PPARGC1A: variants seen among roughly 807,000 people sequenced by gnomAD.
The protein encoded by PPARGC1A is PPARG coactivator 1 alpha.
PPARGC1A carries 25 observed loss-of-function variants against 88.7 expected under a neutral mutation model. The observed-to-expected ratio is 0.28, with a 90% confidence interval of 0.21 to 0.39. PPARGC1A has a LOEUF of 0.39. Among genes scored for constraint, PPARGC1A ranks in the 10% least tolerant of loss-of-function variants. PPARGC1A has a pLI of 1.00. For synonymous variants in PPARGC1A, 363 were observed against 355.6 expected (o/e 1.02, Z -0.24); for missense variants, 880 against 968.7 (o/e 0.91, Z 1.22).
chr4:23,906,607 C>CAAAAAA (rs35171233), upstream of PPARGC1A, among the ~76,000 whole-genome samples: 3 of 63,724 alleles, frequency 4.7e-5, no homozygotes, highest in African/African-American at 1.3e-4. Context: ...CTCTGTCTCA[C>CAAAAAA]AAAAAAAAAA....
rs538641721 is a variant in PPARGC1A, at chr4:23,859,477, C to T, written c.234+25275G>A. Reference sequence around the variant, plus strand: ...GGGAGACTGCAAAGAAGAACATTAACAAAAATTCAAAATATTTAAAATGTA... The same window carrying T: ...GGGAGACTGCAAAGAAGAACATTAATAAAAATTCAAAATATTTAAAATGTA... On this transcript the variant is annotated intron_variant, in intron 2 of 12. Coordinates refer to ENST00000264867, the MANE Select transcript of PPARGC1A (RefSeq NM_013261.5). 5.1e-4 allele frequency among the ~76,000 whole-genome samples: 78 copies of T among 152,172 alleles called. 1 individual carries two copies. Among genetic ancestry groups the T allele is most frequent in the African/African-American group, 1.7e-3 (69 of 41,530 alleles).
intron 2 of PPARGC1A, among the ~76,000 whole-genome samples, chr4:23,841,483 T>C (rs1727043782): frequency 6.8e-6 from 1 of 146,346 alleles, no homozygotes; most frequent in Non-Finnish European, 1.5e-5. Flanking sequence ...AAAGAAGTCA[T>C]TTTTTTTTTT....
At chr4:24,140,631 A>C in the PPARGC1A span, among the ~76,000 whole-genome samples, 20 of 152,320 alleles carry the variant, frequency 1.3e-4, no homozygotes, top group South Asian at 2.9e-3. Context: ...CAGTGGCCTA[A>C]AAATAGAATT....
intron 7 of PPARGC1A, among the ~76,000 whole-genome samples, chr4:23,823,828 A>G (rs542479287): frequency 1.3e-5 from 2 of 152,230 alleles, no homozygotes; most frequent in African/African-American, 4.8e-5. Flanking sequence ...GCAAACACAA[A>G]GTGTGAAATT....
the PPARGC1A span, among the ~76,000 whole-genome samples, chr4:24,043,414 G>T: frequency 6.6e-6 from 1 of 152,206 alleles, no homozygotes; most frequent in African/African-American, 2.4e-5. Flanking sequence ...TTATTAGTCT[G>T]GCACCGGCTT....
chr4:24,396,477 T>C, the PPARGC1A span, among the ~76,000 whole-genome samples: 1 of 152,244 alleles, frequency 6.6e-6, no homozygotes, highest in East Asian at 1.9e-4. Context: ...GTGACCTCCC[T>C]GGGCAGATCA....
the PPARGC1A span, among the ~76,000 whole-genome samples, chr4:24,314,583 T>G: frequency 6.6e-6 from 1 of 152,148 alleles, no homozygotes; most frequent in South Asian, 2.1e-4. Flanking sequence ...GCAGCACAAA[T>G]GGACTAAGAC....
the PPARGC1A span, among the ~76,000 whole-genome samples, chr4:24,094,563 G>A: frequency 1.3e-5 from 2 of 152,224 alleles, no homozygotes; most frequent in Non-Finnish European, 2.9e-5. Flanking sequence ...ACAATGCAGT[G>A]TGCCTTCATC....
At chr4:24,450,104 T>C in the PPARGC1A span, among the ~76,000 whole-genome samples, 1 of 152,230 alleles carries the variant, frequency 6.6e-6, no homozygotes, top group East Asian at 1.9e-4. Flanking sequence ...ACCAACATGG[T>C]CTGTGGGAAC....
chr4:23,837,730 C>A (rs1247702945), intron 2 of PPARGC1A, among the ~76,000 whole-genome samples: 2 of 152,184 alleles, frequency 1.3e-5, no homozygotes, highest in Admixed American at 1.3e-4. Flanking sequence ...TTATCCACTA[C>A]TTTGGATTAT....
At chr4:23,937,323 G>A in the PPARGC1A span, among the ~76,000 whole-genome samples, 2 of 152,130 alleles carry the variant, frequency 1.3e-5, no homozygotes, top group South Asian at 4.1e-4. Flanking sequence ...CCCATGCAAT[G>A]TGCAGATGCA....
intron 2 of PPARGC1A, among the ~76,000 whole-genome samples, chr4:23,869,848 G>A (rs1258306537): frequency 3.9e-5 from 6 of 152,140 alleles, no homozygotes; most frequent in Admixed American, 3.3e-4. Flanking sequence ...CTAAAGTAAT[G>A]TGGGAAATTG....
chr4:24,289,394 T>C, the PPARGC1A span, among the ~76,000 whole-genome samples: 1 of 152,072 alleles, frequency 6.6e-6, no homozygotes, highest in Non-Finnish European at 1.5e-5. Flanking sequence ...CCACCCAAGG[T>C]TGGCCCCTCT....
the PPARGC1A span, among the ~76,000 whole-genome samples, chr4:24,367,894 A>G: frequency 6.6e-6 from 1 of 152,188 alleles, no homozygotes; most frequent in Non-Finnish European, 1.5e-5. Flanking sequence ...AATCGCTGCA[A>G]TCATATGCCA....
the PPARGC1A span, among the ~76,000 whole-genome samples, chr4:24,257,800 T>C: frequency 6.6e-6 from 1 of 152,224 alleles, no homozygotes; most frequent in African/African-American, 2.4e-5. Flanking sequence ...ACCATTTCTT[T>C]GAGACATAAA....
chr4:24,206,163 G>A, the PPARGC1A span, among the ~76,000 whole-genome samples: 1 of 152,116 alleles, frequency 6.6e-6, no homozygotes, highest in Admixed American at 6.5e-5. Context: ...AAAAAATAAA[G>A]GGCCAAATAA....
At chr4:23,830,454 A>G (rs1724799605) in intron 3 of PPARGC1A, among the ~76,000 whole-genome samples, 1 of 152,228 alleles carries the variant, frequency 6.6e-6, no homozygotes, top group African/African-American at 2.4e-5. Flanking sequence ...TCTGATATCA[A>G]TGGAAAGAAA....
the PPARGC1A span, among the ~76,000 whole-genome samples, chr4:24,199,680 C>T: frequency 6.6e-6 from 1 of 152,058 alleles, no homozygotes; most frequent in South Asian, 2.1e-4. Flanking sequence ...TAAATTCCTA[C>T]TCAAAAAACA....
chr4:23,803,539 A>T (rs566727122), intron 10 of PPARGC1A, among the ~76,000 whole-genome samples: 1 of 152,334 alleles, frequency 6.6e-6, no homozygotes, highest in African/African-American at 2.4e-5. Flanking sequence ...CTGAGGATAA[A>T]TTCTTTTTTT....
Sources: gnomAD v4.1 joint callset for allele counts (sites outside exome capture counted in the v4.1 genomes callset) on GRCh38, gnomAD v4.1.1 for gene constraint, MANE v1.5 for transcripts, NCBI Gene and HGNC (gene_info 2026-07-23, HGNC 2026-07-21) for gene names.